KDSR: variants seen among roughly 807,000 people sequenced by gnomAD.
KDSR encodes the protein 3-ketodihydrosphingosine reductase, also known as 3-dehydrosphinganine reductase.
KDSR carries 23 observed loss-of-function variants against 41.3 expected under a neutral mutation model. That is an observed-to-expected ratio of 0.56 (90% CI 0.40 to 0.79). The LOEUF (loss-of-function observed/expected upper bound fraction) is 0.79. KDSR is among the 30% of genes least tolerant of loss of function. KDSR has a pLI of 0.00. For missense variants in KDSR, 351 were observed against 416.8 expected, an observed-to-expected ratio of 0.84 and a Z score of 1.37; for synonymous variants, 138 against 151.7, an observed-to-expected ratio of 0.91 and a Z score of 0.66.
Position 63,330,545 on chromosome 18 carries a change from T to C in KDSR, c.*1237A>G, listed in dbSNP as rs11663788. ...GTTAGATGAGTGGGCTTCCTTAGCA[T>C]GTGGTATAAAAATAATGTCTGCAGG... On this transcript the variant is annotated 3_prime_UTR_variant, in exon 10 of 10. Coordinates refer to ENST00000645214, the MANE Select transcript of KDSR (RefSeq NM_002035.4). 0.33 allele frequency: 76,446 copies of C among 231,532 alleles called. 15,261 individuals are homozygous for C. The highest frequency in any genetic ancestry group is 0.43 in the Non-Finnish European group (50,717 of 117,044). The allele number at this position is 231,532 out of a possible 1,614,324, so 14.3% of individuals were successfully genotyped here. A position where few individuals can be genotyped will look rare whatever the true frequency, so the allele number is the denominator to read the frequency against.
intron 8 of KDSR, among the ~76,000 whole-genome samples, chr18:63,337,073 T>TAC (rs1491416578): frequency 4.2e-5 from 1 of 23,650 alleles, no homozygotes; most frequent in Admixed American, 7.5e-4. Flanking sequence ...TATGTGACTT[T>TAC]ATATATATAT....
intron 9 of KDSR, among the ~76,000 whole-genome samples, chr18:63,333,384 G>A (rs1490054383): frequency 6.6e-6 from 1 of 152,164 alleles, no homozygotes; most frequent in East Asian, 1.9e-4. Context: ...CCATACTCAG[G>A]TGCAATGGAA....
intron 3 of KDSR, among the ~76,000 whole-genome samples, chr18:63,356,260 G>A (rs1457791294): frequency 2.0e-5 from 3 of 152,034 alleles, no homozygotes; most frequent in Non-Finnish European, 2.9e-5. Flanking sequence ...TTAGCCTGGC[G>A]TGGTGGTGGG....
chr18:63,348,518 A>G lies in KDSR; in HGVS notation c.609+2370T>C, dbSNP rs571375538. On this transcript the variant is annotated intron_variant, in intron 6 of 9. Coordinates refer to ENST00000645214, the MANE Select transcript of KDSR (RefSeq NM_002035.4). ...TTTGATGACTGCGTTCGTTTTCCCC[A>G]GAACCTATTTTTCATGGGATAAGTT... 1.2e-4 allele frequency among the ~76,000 whole-genome samples: 18 copies of G among 152,252 alleles called. No individual in the cohort carries two copies. The East Asian group carries it at 2.7e-3, about 23-fold the overall frequency.
intron 7 of KDSR, among the ~76,000 whole-genome samples, chr18:63,339,095 G>A (rs1296884545): frequency 6.6e-6 from 1 of 152,210 alleles, no homozygotes; most frequent in Non-Finnish European, 1.5e-5. Flanking sequence ...AAGACAAGGA[G>A]GCCTTTGCCA....
chr18:63,362,113 G>A (rs889381527), intron 2 of KDSR, among the ~76,000 whole-genome samples: 5 of 152,190 alleles, frequency 3.3e-5, no homozygotes, highest in African/African-American at 4.8e-5. Flanking sequence ...TTGCTGCAGC[G>A]GACGAGCCAG....
At chr18:63,335,196 T>A in intron 9 of KDSR, 61 bp downstream of exon 9, 1 of 1,086,080 alleles carries the variant, frequency 9.2e-7, no homozygotes, top group South Asian at 1.3e-5. Flanking sequence ...CAAGGTTTGA[T>A]GAAAGGCAGT....
Position 63,364,733 on chromosome 18 carries a change from T to C in KDSR, c.109-1865A>G, listed in dbSNP as rs112545967. ...TGCTGGGATTATAGGAGTGAGCCAC[T>C]GTACCCGGCCATATCGTTCTAGTCA... On this transcript the variant is annotated intron_variant, in intron 1 of 9. Coordinates refer to ENST00000645214, the MANE Select transcript of KDSR (RefSeq NM_002035.4). Among the ~76,000 whole-genome samples, 1,158 of 152,314 alleles carry C rather than the reference T, an allele frequency of 7.6e-3. 19 individuals are homozygous for C. Among genetic ancestry groups the C allele is most frequent in the African/African-American group, 0.026 (1,086 of 41,576 alleles).
chr18:63,351,227 A>G, intron 5 of KDSR, 148 bp from the exon 6 acceptor site: 1 of 595,310 alleles, frequency 1.7e-6, no homozygotes, highest in Non-Finnish European at 2.9e-6. Context: ...GAATGATGAC[A>G]TGATGATATA....
In KDSR at chr18:63,367,062, C is replaced by T; in HGVS notation, c.57G>A (p.Val19=). 7.5e-7 allele frequency: 1 copy of T among 1,335,158 alleles called. No individual in the cohort carries two copies. The highest frequency in any genetic ancestry group is 9.6e-7 in the Non-Finnish European group (1 of 1,037,130). The allele number at this position is 1,335,158 out of a possible 1,614,324, so 82.7% of individuals were successfully genotyped here. ...LVAFVLLLYM[V]SPLISPKPLA... is the part of the protein sequence containing the mutation. Reference sequence around the variant, plus strand: ...GGGGCTTGGGGCTGATGAGCGGAGACACCATGTACAGCAGCAGCACGAAGG... The same window carrying T: ...GGGGCTTGGGGCTGATGAGCGGAGATACCATGTACAGCAGCAGCACGAAGG... The change falls in exon 1 of 10, where the codon GTG becomes GTA. Residue 19 remains valine, a synonymous_variant. Transcript: ENST00000645214.
At chr18:63,358,045 G>A (rs552704351) in intron 3 of KDSR, among the ~76,000 whole-genome samples, 29 of 152,186 alleles carry the variant, frequency 1.9e-4, no homozygotes, top group South Asian at 1.5e-3. Context: ...GCGTAGTGAC[G>A]CGCGCCTGTA....
chr18:63,344,650 C>T, intron 6 of KDSR, 157 bp from the exon 7 acceptor site: 1 of 541,172 alleles, frequency 1.8e-6, no homozygotes, highest in South Asian at 2.7e-5. Context: ...TGAGAAACCC[C>T]TCTCCATGAT....
At position 63,329,039 on chromosome 18, in the gene KDSR, G is replaced by C. The variant is rs560048048; in HGVS notation, c.*2743C>G. The stretch of plus-strand genomic sequence containing the variant: ...TTTAAAAACAAAGTCATTAGTTTCC[G>C]TAACAATCACACTCAGGGTTGGTTC... On this transcript the variant is annotated 3_prime_UTR_variant, in exon 10 of 10. Coordinates refer to ENST00000645214, the MANE Select transcript of KDSR (RefSeq NM_002035.4). 1 of 197,064 alleles carries C rather than the reference G, an allele frequency of 5.1e-6. No individual in the cohort carries two copies. The highest frequency in any genetic ancestry group is 1.0e-5 in the Non-Finnish European group (1 of 95,310). The allele number at this position is 197,064 out of a possible 1,614,324, so 12.2% of individuals were successfully genotyped here.
chr18:63,363,082 G>A (rs1568073500), intron 1 of KDSR, among the ~76,000 whole-genome samples: 2 of 152,070 alleles, frequency 1.3e-5, no homozygotes. Flanking sequence ...GTTTTCTTAT[G>A]GAACCATAAA....
At chr18:63,363,219 C>CTTTTTTTTTTTTT (rs1185123481) in intron 1 of KDSR, among the ~76,000 whole-genome samples, 4 of 111,446 alleles carry the variant, frequency 3.6e-5, no homozygotes, top group Admixed American at 9.0e-5. Flanking sequence ...TTTTTTTTTT[C>CTTTTTTTTTTTTT]TTTTTTTTTT....
intron 7 of KDSR, among the ~76,000 whole-genome samples, chr18:63,343,391 ATTTTTT>A (rs1313755437): frequency 7.1e-6 from 1 of 141,516 alleles, no homozygotes; most frequent in Non-Finnish European, 1.5e-5. Flanking sequence ...TTTAATTTTA[ATTTTTT>A]TTTTTTTTAG....
At chr18:63,361,063 A>ATATATATAATAAAAATATATATCTT (rs1248629915) in intron 2 of KDSR, among the ~76,000 whole-genome samples, 1 of 132,052 alleles carries the variant, frequency 7.6e-6, no homozygotes, top group Non-Finnish European at 1.6e-5. Context: ...TATATATGTA[A>ATATATATAATAAAAATATATATCTT]ATATATATAC....
At chr18:63,359,917 A>G (rs1914915080) in intron 2 of KDSR, 125 bp from the exon 3 acceptor site, 1 of 706,922 alleles carries the variant, frequency 1.4e-6, no homozygotes, top group Non-Finnish European at 2.6e-6. Flanking sequence ...CACACAAAAC[A>G]GTATCTACAT....
intron 5 of KDSR, 55 bp downstream of exon 5, chr18:63,355,149 G>A (rs1316688539): frequency 8.6e-7 from 1 of 1,157,886 alleles, no homozygotes; most frequent in Non-Finnish European, 1.3e-6. Flanking sequence ...TTTACCCGTA[G>A]CTTGCTCTGC....
Sources: allele counts gnomAD v4.1 joint callset (sites outside exome capture counted in the v4.1 genomes callset), GRCh38; gene constraint gnomAD v4.1.1; transcripts MANE v1.5; gene names NCBI Gene and HGNC (gene_info 2026-07-23, HGNC 2026-07-21).